NFAT5: variants seen among roughly 807,000 people sequenced by gnomAD.
The protein encoded by NFAT5 is nuclear factor of activated T-cells 5.
NFAT5 carries 31 observed loss-of-function variants against 166.5 expected under a neutral mutation model. The ratio of observed to expected loss-of-function variants is 0.19; its 90% CI spans 0.14 to 0.25. The LOEUF is 0.25. Among genes scored for constraint, NFAT5 ranks in the 10% least tolerant of loss-of-function variants. The pLI is 1.00. For missense variants in NFAT5, 1,449 were observed against 1,821.8 expected (o/e 0.80, Z 3.72); for synonymous variants, 612 against 639.7 (o/e 0.96, Z 0.65).
chr16:69,571,256 A>G (rs1186221520), intron 2 of NFAT5, among the ~76,000 whole-genome samples: 1 of 151,794 alleles, frequency 6.6e-6, no homozygotes, highest in Non-Finnish European at 1.5e-5. Flanking sequence ...GTGAGCCAAG[A>G]TCACTCTACT....
intron 2 of NFAT5, among the ~76,000 whole-genome samples, chr16:69,573,175 G>A (rs2016540416): frequency 1.3e-5 from 2 of 152,086 alleles, no homozygotes; most frequent in South Asian, 4.1e-4. Flanking sequence ...TTTAAGACCG[G>A]AAGATTTTTA....
chr16:69,681,401 C>T (rs1404687562), intron 10 of NFAT5, among the ~76,000 whole-genome samples: 2 of 152,122 alleles, frequency 1.3e-5, no homozygotes, highest in Non-Finnish European at 2.9e-5. Flanking sequence ...GACCAAAATA[C>T]CCTCATAACA....
intron 2 of NFAT5, among the ~76,000 whole-genome samples, chr16:69,582,931 G>A (rs1310250052): frequency 6.6e-6 from 1 of 151,662 alleles, no homozygotes; most frequent in Non-Finnish European, 1.5e-5. Flanking sequence ...TAAGAATTAT[G>A]TTGAATCTGT....
rs1490882720 is a variant in NFAT5, at chr16:69,568,342, A to ATGTGTGTGTGTGTGTGTGTG, written c.74-152_74-151insGTGTGTGTGTGTGTGTGTGT. Reference sequence around the variant, plus strand: ...TTTCAAAATGTATGTGTGTATATATATATATGTGTGTGTGTGTGTGTGTGT... The same window carrying ATGTGTGTGTGTGTGTGTGTG: ...TTTCAAAATGTATGTGTGTATATATATGTGTGTGTGTGTGTGTGTGTATATGTGTGTGTGTGTGTGTGTGT... On this transcript the variant is annotated intron_variant, in intron 1 of 14. Transcript: ENST00000349945. Among the ~76,000 whole-genome samples the ATGTGTGTGTGTGTGTGTGTG allele has an allele frequency of 4.6e-3, 220 of 47,816 alleles. 1 individual carries two copies. The highest frequency in any genetic ancestry group is 6.2e-3 in the Non-Finnish European group (155 of 25,060). 31.4% of individuals were successfully genotyped at this position (47,816 alleles called of 152,430 possible).
At position 69,684,127 on chromosome 16, in the gene NFAT5, C is replaced by T. The variant is rs545247683; in HGVS notation, c.1691-760C>T. ...ATAAATAAATAGCCTGGCATGGTGG[C>T]GTGCACCTGAAATCCCAGCTACTCA... On this transcript the variant is annotated intron_variant, in intron 10 of 14. Transcript: ENST00000349945. 3.3e-4 allele frequency among the ~76,000 whole-genome samples: 50 copies of T among 151,348 alleles called. 1 individual carries two copies. Among genetic ancestry groups the T allele is most frequent in the South Asian group, 2.3e-3 (11 of 4,764 alleles).
chr16:69,602,330 T>C (rs1403528556), intron 2 of NFAT5, among the ~76,000 whole-genome samples: 3 of 148,924 alleles, frequency 2.0e-5, no homozygotes, highest in Non-Finnish European at 4.4e-5. Flanking sequence ...AGTGCAAGGG[T>C]GCGATCTCGG....
At chr16:69,610,319 A>G (rs2033648590) in intron 2 of NFAT5, among the ~76,000 whole-genome samples, 1 of 152,176 alleles carries the variant, frequency 6.6e-6, no homozygotes, top group Admixed American at 6.5e-5. Context: ...ACAGAAAGGA[A>G]AACAAGATGG....
At position 69,689,486 on chromosome 16, in the gene NFAT5, T is replaced by C. The variant is rs190641873; in HGVS notation, c.1775-1454T>C. Among the ~76,000 whole-genome samples, 338 of 152,348 alleles carry C rather than the reference T, an allele frequency of 2.2e-3. 2 individuals are homozygous for C. The highest frequency in any genetic ancestry group is 5.8e-3 in the South Asian group (28 of 4,828). Reference sequence around the variant, plus strand: ...CATAGGAATTAGGTTTTTAGCCAAATGGCTGTGAGGCAAGTTGAAGTAAGA... The same window carrying C: ...CATAGGAATTAGGTTTTTAGCCAAACGGCTGTGAGGCAAGTTGAAGTAAGA... On this transcript the variant is annotated intron_variant, in intron 11 of 14. Transcript: ENST00000349945.
intron 2 of NFAT5, among the ~76,000 whole-genome samples, chr16:69,598,053 T>C (rs1199396960): frequency 6.6e-6 from 1 of 152,148 alleles, no homozygotes; most frequent in Non-Finnish European, 1.5e-5. Context: ...TAGTTATTGG[T>C]TTAATTTTTA....
intron 2 of NFAT5, among the ~76,000 whole-genome samples, chr16:69,612,893 G>T (rs963862528): frequency 6.6e-5 from 10 of 150,384 alleles, no homozygotes; most frequent in African/African-American, 2.5e-4. Flanking sequence ...TGTAGTTCTA[G>T]GACAGATTTG....
At chr16:69,619,363 C>T (rs2034099948) in intron 2 of NFAT5, among the ~76,000 whole-genome samples, 1 of 152,186 alleles carries the variant, frequency 6.6e-6, no homozygotes, top group African/African-American at 2.4e-5. Flanking sequence ...TGATTATATA[C>T]TTCAGTAAAA....
rs1022455435 is a variant in NFAT5 at position 69,689,580 on chromosome 16, G to A, written c.1775-1360G>A. 3.3e-5 allele frequency among the ~76,000 whole-genome samples: 5 copies of A among 152,176 alleles called. 1 individual carries two copies. The highest frequency in any genetic ancestry group is 1.3e-4 in the Admixed American group (2 of 15,280). On this transcript the variant is annotated intron_variant, in intron 11 of 14. Transcript: ENST00000349945. Reference sequence around the variant, plus strand: ...GCAGATTTTGAGACAGTCTTGCTCCGTTGCCCAGCCTGCAGTACAGTAGAG... The same window carrying A: ...GCAGATTTTGAGACAGTCTTGCTCCATTGCCCAGCCTGCAGTACAGTAGAG...
At chr16:69,649,530 A>G (rs1448156291) in intron 4 of NFAT5, 1 of 984,422 alleles carries the variant, frequency 1.0e-6, no homozygotes. Context: ...CATGGAGCAG[A>G]AATTCCATCA....
intron 12 of NFAT5, 79 bp from the exon 13 acceptor site, chr16:69,691,670 C>A: frequency 1.8e-6 from 2 of 1,102,176 alleles, no homozygotes; most frequent in Non-Finnish European, 2.6e-6. Context: ...ATTTTTAGAG[C>A]AATAGTGATT....
At chr16:69,574,648 GA>G (rs796714887) in intron 2 of NFAT5, among the ~76,000 whole-genome samples, 2 of 151,252 alleles carry the variant, frequency 1.3e-5, no homozygotes, top group Non-Finnish European at 2.9e-5. Flanking sequence ...AATAGCTTTT[GA>G]AAAATATATA....
chr16:69,661,734 A>G (rs2036154958), intron 7 of NFAT5, among the ~76,000 whole-genome samples: 1 of 152,174 alleles, frequency 6.6e-6, no homozygotes, highest in Non-Finnish European at 1.5e-5. Context: ...TAAAACAAAC[A>G]AAAAGGCATG....
intron 1 of NFAT5, among the ~76,000 whole-genome samples, chr16:69,567,003 A>C (rs1052328960): frequency 8.6e-5 from 13 of 151,826 alleles, no homozygotes; most frequent in African/African-American, 2.7e-4. Context: ...GGCCCGATGG[A>C]AAGGGCCCGA....
At chr16:69,651,009 T>A (rs72801352) in intron 4 of NFAT5, among the ~76,000 whole-genome samples, 1 of 152,234 alleles carries the variant, frequency 6.6e-6, no homozygotes, top group Non-Finnish European at 1.5e-5. Flanking sequence ...TTGATACTTA[T>A]GTTCATAGAA....
Position 69,692,452 on chromosome 16 carries a change from A to T in NFAT5, c.2627A>T (p.Asp876Val). The T allele has an allele frequency of 6.2e-7, 1 of 1,614,168 alleles. No homozygotes were observed. The highest frequency in any genetic ancestry group is 8.5e-7 in the Non-Finnish European group (1 of 1,180,016). The change falls in exon 13 of 15, where the codon GAT becomes GTT. Residue 876 changes from aspartate to valine, a missense_variant. This residue lies in a region of NFAT5 where 891 missense variants were observed against 993.0 expected (regional missense o/e 0.90). Transcript: ENST00000349945. ...STEPTVHTRP[D>V]NLLPGRAESV... ...GAGCCAACAGTCCATACCAGACCAG[A>T]TAATTTATTACCTGGAAGAGCTGAA...
Sources: allele counts gnomAD v4.1 joint callset (sites outside exome capture counted in the v4.1 genomes callset), GRCh38; gene constraint gnomAD v4.1.1; regional missense constraint gnomAD v4.1.1; transcripts MANE v1.5; gene names NCBI Gene and HGNC (gene_info 2026-07-23, HGNC 2026-07-21).